QSOX2: variants seen among roughly 807,000 people sequenced by gnomAD.
QSOX2 encodes sulfhydryl oxidase 2.
In QSOX2, 46 loss-of-function variants were observed where a neutral mutation model predicts 61.7. That is an observed-to-expected ratio of 0.75 (90% CI 0.59 to 0.95). The LOEUF is 0.95. QSOX2 is among the 40% of genes least tolerant of loss of function. QSOX2 has a pLI of 0.00. For synonymous variants in QSOX2, 383 were observed against 388.4 expected (o/e 0.99, Z 0.16); for missense variants, 879 against 918.9 (o/e 0.96, Z 0.56).
chr9:136,220,983 T>C (rs749534146), intron 6 of QSOX2, among the ~76,000 whole-genome samples: 12 of 152,206 alleles, frequency 7.9e-5, no homozygotes, highest in Non-Finnish European at 1.6e-4. Context: ...CTCACTGTTC[T>C]TTTTCTAACC....
At chr9:136,239,566 T>A (rs997173266) in intron 1 of QSOX2, among the ~76,000 whole-genome samples, 1 of 152,226 alleles carries the variant, frequency 6.6e-6, no homozygotes, top group African/African-American at 2.4e-5. Context: ...CGCAAATTCA[T>A]CCCGGAGCGT....
chr9:136,233,628 A>G (rs1238180155), intron 1 of QSOX2, among the ~76,000 whole-genome samples: 2 of 152,268 alleles, frequency 1.3e-5, no homozygotes, highest in African/African-American at 4.8e-5. Context: ...CACGGGATTT[A>G]TGACAGAGCC....
intron 3 of QSOX2, among the ~76,000 whole-genome samples, chr9:136,224,621 T>C (rs948245023): frequency 1.3e-5 from 2 of 152,214 alleles, no homozygotes; most frequent in African/African-American, 4.8e-5. Flanking sequence ...ATTTTTACAA[T>C]AAAAAATTTA....
At chr9:136,244,007 A>T (rs911450389) in intron 1 of QSOX2, among the ~76,000 whole-genome samples, 1 of 151,994 alleles carries the variant, frequency 6.6e-6, no homozygotes, top group African/African-American at 2.4e-5. Flanking sequence ...CGGTTACAGA[A>T]TTTGCAATAT....
chr9:136,231,910 C>T (rs1371208056), intron 1 of QSOX2, among the ~76,000 whole-genome samples: 1 of 148,722 alleles, frequency 6.7e-6, no homozygotes, highest in Non-Finnish European at 1.5e-5. Context: ...CCACCCCCTC[C>T]ACCCCCTCCA....
At chr9:136,215,433 A>T (rs1291596087) in intron 9 of QSOX2, 129 bp from the exon 10 acceptor site, 1 of 876,664 alleles carries the variant, frequency 1.1e-6, no homozygotes, top group Non-Finnish European at 1.7e-6. Context: ...AGCTGTATCA[A>T]CTGTACACAT....
intron 10 of QSOX2, among the ~76,000 whole-genome samples, chr9:136,214,089 A>G (rs758099907): frequency 1.2e-4 from 19 of 152,242 alleles, no homozygotes; most frequent in Non-Finnish European, 2.5e-4. Flanking sequence ...TCAAGACTCC[A>G]CTTCGGCTTT....
chr9:136,231,900 C>T (rs1278279249), intron 1 of QSOX2, among the ~76,000 whole-genome samples: 1 of 126,462 alleles, frequency 7.9e-6, no homozygotes, highest in Non-Finnish European at 1.7e-5. Flanking sequence ...TCCACCCTCT[C>T]CACCCCCTCC....
At chr9:136,237,710 G>A (rs1588641573) in intron 1 of QSOX2, among the ~76,000 whole-genome samples, 1 of 145,070 alleles carries the variant, frequency 6.9e-6, no homozygotes, top group Non-Finnish European at 1.5e-5. Context: ...CCTGGAGCCT[G>A]CTCTGGGCCG....
rs1288672800 is a variant in QSOX2, at chr9:136,211,383, T to C, written c.1430A>G (p.Lys477Arg). The C allele has an allele frequency of 2.5e-6, 4 of 1,614,178 alleles. No individual in the cohort carries two copies. The highest frequency in any genetic ancestry group is 3.4e-6 in the Non-Finnish European group (4 of 1,180,018). The change falls in exon 11 of 12, where the codon AAG becomes AGG. Residue 477 changes from lysine (K) to arginine (R), a missense_variant. Lys to Arg is a conservative substitution (Grantham distance 26, BLOSUM62 2). Transcript: ENST00000358701. ...TTCCTCAAAGTGCTCACCACATTCC[T>C]TACACCCAAAGAAGGTGTGAACGTA... ...RRYVHTFFGCKECGEHFEEMA... is the reference protein window; with the variant it reads ...RRYVHTFFGCRECGEHFEEMA...
At chr9:136,237,523 GACACCTGGAGCCCGTCCTGTGCC>G (rs1830397437) in intron 1 of QSOX2, among the ~76,000 whole-genome samples, 3 of 69,352 alleles carry the variant, frequency 4.3e-5, no homozygotes, top group African/African-American at 1.3e-4. Flanking sequence ...CTGTGCCGGC[GACACCTGGAGCCCGTCCTGTGCC>G]ACACCTGGAG....
chr9:136,216,516 C>G, intron 9 of QSOX2, 84 bp downstream of exon 9: 3 of 1,564,582 alleles, frequency 1.9e-6, no homozygotes, highest in Non-Finnish European at 2.6e-6. Context: ...GGGCCCCGAG[C>G]AGGGAGATGC....
chr9:136,232,342 G>A (rs947604342), intron 1 of QSOX2, among the ~76,000 whole-genome samples: 2 of 152,122 alleles, frequency 1.3e-5, no homozygotes, highest in Non-Finnish European at 2.9e-5. Context: ...TTTAAACTGC[G>A]TGTGTCCACT....
chr9:136,216,141 G>A (rs1367696701), intron 9 of QSOX2, among the ~76,000 whole-genome samples: 1 of 152,248 alleles, frequency 6.6e-6, no homozygotes, highest in Non-Finnish European at 1.5e-5. Flanking sequence ...CAGAGAAGCT[G>A]CTGATCTGGA....
intron 1 of QSOX2, among the ~76,000 whole-genome samples, chr9:136,244,108 C>T (rs760463640): frequency 2.4e-4 from 36 of 152,130 alleles, no homozygotes; most frequent in Non-Finnish European, 5.0e-4. Context: ...CAAGTCCTGC[C>T]AGGGCCACCT....
At position 136,226,705 on chromosome 9, in the gene QSOX2, G is replaced by A. The variant is rs563628119; in HGVS notation, c.429+69C>T. 260 of 1,267,670 alleles carry A rather than the reference G, an allele frequency of 2.1e-4. 1 individual carries two copies. The South Asian group carries it at 2.6e-3, about 13-fold the overall frequency. 78.5% of individuals were successfully genotyped at this position (1,267,670 alleles called of 1,614,324 possible). On this transcript the variant is annotated intron_variant, in intron 2 of 11. Coordinates refer to ENST00000358701, the MANE Select transcript of QSOX2 (RefSeq NM_181701.4). ...GGCGAATTTCAACAGACAAGCAGCC[G>A]CGTGATGCTCACCTGGAAGGTGGGG...
intron 1 of QSOX2, among the ~76,000 whole-genome samples, chr9:136,232,945 A>G (rs1830345255): frequency 6.6e-6 from 1 of 151,526 alleles, no homozygotes; most frequent in Admixed American, 6.6e-5. Context: ...AAAAGAAAAA[A>G]GAAAAAAAAA....
chr9:136,227,980 G>C (rs542422808), intron 1 of QSOX2, among the ~76,000 whole-genome samples: 2 of 152,056 alleles, frequency 1.3e-5, no homozygotes, highest in African/African-American at 4.8e-5. Flanking sequence ...CTATTTGTTC[G>C]TTTAAAGTTT....
intron 9 of QSOX2, among the ~76,000 whole-genome samples, chr9:136,215,694 CA>C: frequency 6.6e-6 from 1 of 152,290 alleles, no homozygotes; most frequent in African/African-American, 2.4e-5. Flanking sequence ...AATTCTTGGC[CA>C]GAACAAACAA....
Sources: gnomAD v4.1 joint callset for allele counts (sites outside exome capture counted in the v4.1 genomes callset) on GRCh38, gnomAD v4.1.1 for gene constraint, MANE v1.5 for transcripts, NCBI Gene and HGNC (gene_info 2026-07-23, HGNC 2026-07-21) for gene names.